The following GRIP2 variants were observed in gnomAD, a reference collection of about 807,000 sequenced individuals.
GRIP2 encodes glutamate receptor-interacting protein 2.
Under a neutral mutation model 108.3 loss-of-function variants are expected in GRIP2, and 58 were observed. The ratio of observed to expected loss-of-function variants is 0.54; its 90% CI spans 0.43 to 0.67. The LOEUF is 0.67. GRIP2 is among the 30% of genes least tolerant of loss of function. GRIP2 has a pLI of 0.00. For missense variants in GRIP2, 1,278 were observed against 1,430.6 expected (o/e 0.89, Z 1.72); for synonymous variants, 586 against 598.2 (o/e 0.98, Z 0.30).
rs1414752601 is a variant in GRIP2 at position 14,525,576 on chromosome 3, C to T, written c.122-4G>A. ...ACAGTGATCCCTCGGAACTCCTCTG[C>T]CAACAGATGGGGATGGGGGCTTGAG... On this transcript the variant is annotated splice_polypyrimidine_tract_variant and splice_region_variant and intron_variant, in intron 2 of 23. Transcript: ENST00000621039. 1.9e-6 allele frequency: 3 copies of T among 1,613,710 alleles called. No individual in the cohort carries two copies. In the South Asian group the frequency reaches 3.3e-5, roughly 18 times the overall value.
At chr3:14,502,362 C>T (rs1352909500) in intron 21 of GRIP2, among the ~76,000 whole-genome samples, 2 of 152,016 alleles carry the variant, frequency 1.3e-5, no homozygotes, top group African/African-American at 2.4e-5. Context: ...GGCATGGTGG[C>T]ACATACCTTT....
At chr3:14,558,797 A>C (rs1251680117), upstream of GRIP2, among the ~76,000 whole-genome samples, 1 of 152,140 alleles carries the variant, frequency 6.6e-6, no homozygotes, top group African/African-American at 2.4e-5. Flanking sequence ...GCAGGAGCCT[A>C]CAGTTATGTG....
Position 14,505,747 on chromosome 3 carries a change from TG to T in GRIP2, c.2440del (p.Gln814ArgfsTer8). 5.1e-6 allele frequency: 8 copies of T among 1,578,436 alleles called. No homozygotes were observed. The highest frequency in any genetic ancestry group is 2.3e-5 in the East Asian group (1 of 43,398). ...PQAAARGTTP[Q>X]ERRPGWLRGS... is the part of the protein sequence containing the mutation. ...CCTCAGCCAGCCAGGCCTCCGCTCC[TG>T]GGGGGTCGTGCCCCGGGCTGCTGCC... On this transcript the variant is annotated frameshift_variant, in exon 20 of 24. Coordinates refer to ENST00000621039, the MANE Select transcript of GRIP2 (RefSeq NM_001080423.4). LOFTEE classifies it high-confidence loss of function. The surrounding 1 kb of genome is among the most constrained non-coding windows in gnomAD (Gnocchi z 4.2).
Position 14,508,252 on chromosome 3 carries a change from C to T in GRIP2, c.2079-552G>A, listed in dbSNP as rs6790081. 1.5e-3 allele frequency among the ~76,000 whole-genome samples: 229 copies of T among 152,314 alleles called. 1 individual carries two copies. Among genetic ancestry groups the T allele is most frequent in the African/African-American group, 5.1e-3 (210 of 41,566 alleles). On this transcript the variant is annotated intron_variant, in intron 17 of 23. Transcript: ENST00000621039. ...GGCGTGAAGGGCTGGTGATGCCAGG[C>T]GGCAGCACTGCTGTGGCCCAGTGGT...
At chr3:14,583,958 A>C in the GRIP2 span, among the ~76,000 whole-genome samples, 54 of 152,220 alleles carry the variant, frequency 3.5e-4, no homozygotes, top group South Asian at 0.011. Flanking sequence ...GCAGCCCTAG[A>C]ATTAGAATTT....
At chr3:14,506,722 A>C in intron 19 of GRIP2, 79 bp downstream of exon 19, 3 of 1,314,046 alleles carry the variant, frequency 2.3e-6, no homozygotes, top group Non-Finnish European at 3.1e-6. Flanking sequence ...AACAGGCACA[A>C]GAACAGTCCT....
intron 12 of GRIP2, 119 bp from the exon 13 acceptor site, chr3:14,513,929 A>T: frequency 8.0e-7 from 1 of 1,245,652 alleles, no homozygotes; most frequent in South Asian, 1.5e-5. Context: ...GGTGACTCTC[A>T]GCTCTGCCCT....
upstream of GRIP2, chr3:14,541,723 C>T: frequency 2.2e-6 from 1 of 458,516 alleles, no homozygotes; most frequent in East Asian, 7.1e-5. Context: ...GGGAAGGGTC[C>T]AGGTGCCAGG....
intron 1 of GRIP2, among the ~76,000 whole-genome samples, chr3:14,529,588 G>A (rs1046921933): frequency 6.6e-6 from 1 of 152,092 alleles, no homozygotes; most frequent in African/African-American, 2.4e-5. Context: ...TATGGCTCTT[G>A]AAAGCTTTGT....
the GRIP2 span, among the ~76,000 whole-genome samples, chr3:14,598,815 A>T: frequency 6.6e-6 from 1 of 151,772 alleles, no homozygotes; most frequent in African/African-American, 2.4e-5. Context: ...CTCCCCACAC[A>T]ACCCCCTGAA....
At chr3:14,566,638 G>A in the GRIP2 span, among the ~76,000 whole-genome samples, 1 of 152,230 alleles carries the variant, frequency 6.6e-6, no homozygotes, top group East Asian at 1.9e-4. Flanking sequence ...CAAAGGGACA[G>A]TGTAAGCCAT....
chr3:14,536,578 C>T (rs1219887039), intron 1 of GRIP2, among the ~76,000 whole-genome samples: 11 of 152,220 alleles, frequency 7.2e-5, no homozygotes, highest in Non-Finnish European at 2.9e-5. Context: ...AGGCCGCCAC[C>T]CCCACAATCC....
chr3:14,496,503 G>A lies in GRIP2; in HGVS notation c.2737C>T (p.Arg913Trp), dbSNP rs747879441. 47 of 1,612,266 alleles carry A rather than the reference G, an allele frequency of 2.9e-5. No homozygotes were observed. Among genetic ancestry groups the A allele is most frequent in the Non-Finnish European group, 1.8e-5 (21 of 1,179,394 alleles). ...RVALEGRPGH[R>W]PWQRGREVRA... ...ACCTCCCGGCCCCTCTGCCAAGGCC[G>A]GTGGCCAGGCCTGCCCTCGAGGGCC... Residue 913 changes from arginine to tryptophan, a missense_variant, in exon 22 of 24, where the codon CGG becomes TGG. Physicochemically the swap from Arg to Trp is moderately radical, Grantham distance 101. Coordinates refer to ENST00000621039, the MANE Select transcript of GRIP2 (RefSeq NM_001080423.4).
Position 14,512,916 on chromosome 3 carries a change from C to T in GRIP2, c.1640-59G>A, listed in dbSNP as rs1694139741. ...CCCAGAGGAGGAGCCTCAGCGAACCCCAGCCCCATGCCCATTCTGGCTGTG... is the reference window on the plus strand; with the variant it reads ...CCCAGAGGAGGAGCCTCAGCGAACCTCAGCCCCATGCCCATTCTGGCTGTG... On this transcript the variant is annotated intron_variant, in intron 13 of 23. Transcript: ENST00000621039. The surrounding 1 kb of genome is among the most constrained non-coding windows in gnomAD (Gnocchi z 5.1). The T allele has an allele frequency of 6.7e-7, 1 of 1,481,706 alleles. No homozygotes were observed. Among genetic ancestry groups the T allele is most frequent in the East Asian group, 2.3e-5 (1 of 44,214 alleles). The allele number at this position is 1,481,706 out of a possible 1,614,324, so 91.8% of individuals were successfully genotyped here.
At chr3:14,583,876 G>A in the GRIP2 span, among the ~76,000 whole-genome samples, 3 of 152,188 alleles carry the variant, frequency 2.0e-5, no homozygotes, top group African/African-American at 7.2e-5. Context: ...CTTGGGAGGG[G>A]CCACACCAGC....
chr3:14,554,350 T>C (rs1165662749), intron 1 of GRIP2, among the ~76,000 whole-genome samples: 1 of 152,140 alleles, frequency 6.6e-6, no homozygotes, highest in East Asian at 1.9e-4. Flanking sequence ...GACGCTCAAA[T>C]CTGGAGCCAA....
chr3:14,493,547 C>T lies in GRIP2; in HGVS notation c.*118G>A. 2 of 1,207,916 alleles carry T rather than the reference C, an allele frequency of 1.7e-6. No individual in the cohort carries two copies. The highest frequency in any genetic ancestry group is 1.5e-5 in the African/African-American group (1 of 65,660). The allele number at this position is 1,207,916 out of a possible 1,614,324, so 74.8% of individuals were successfully genotyped here. On this transcript the variant is annotated 3_prime_UTR_variant, in exon 24 of 24. Coordinates refer to ENST00000621039, the MANE Select transcript of GRIP2 (RefSeq NM_001080423.4). ...CAGAGACCAAGCATCATCCCAGGCT[C>T]AGAGTCTGCCAGACCAACAGATGAA... is the stretch of plus-strand genomic sequence containing the variant.
chr3:14,549,835 A>T (rs564598881), intron 1 of GRIP2, among the ~76,000 whole-genome samples: 2 of 152,314 alleles, frequency 1.3e-5, no homozygotes, highest in South Asian at 4.2e-4. Context: ...CTTAAATCAC[A>T]GTTCAATTCA....
chr3:14,532,833 A>G (rs1416063840), intron 1 of GRIP2, among the ~76,000 whole-genome samples: 2 of 151,184 alleles, frequency 1.3e-5, no homozygotes, highest in Non-Finnish European at 3.0e-5. Flanking sequence ...CGGGCCGGAT[A>G]CTGCTGAGTT....
Sources: allele counts gnomAD v4.1 joint callset (sites outside exome capture counted in the v4.1 genomes callset), GRCh38; gene constraint gnomAD v4.1.1; non-coding constraint Gnocchi (gnomAD v3.1); transcripts MANE v1.5; gene names NCBI Gene and HGNC (gene_info 2026-07-23, HGNC 2026-07-21).